VAV3: variants seen among roughly 807,000 people sequenced by gnomAD.
VAV3 encodes the protein guanine nucleotide exchange factor VAV3.
In VAV3, 94 loss-of-function variants were observed where a neutral mutation model predicts 131.2. The observed-to-expected ratio is 0.72, with a 90% CI of 0.61 to 0.85. The LOEUF (loss-of-function observed/expected upper bound fraction) is 0.85, where lower values mean the gene tolerates loss of function less well. Ranked by LOEUF, VAV3 falls within the 40% of genes least tolerant of loss-of-function variation. The pLI is 0.00. For missense variants in VAV3, 939 were observed against 1,002.7 expected (o/e 0.94, Z 0.86); for synonymous variants, 349 against 342.0 (o/e 1.02, Z -0.22).
intron 19 of VAV3, chr1:107,669,430 G>T (rs1657626095): frequency 1.6e-6 from 2 of 1,289,526 alleles, no homozygotes; most frequent in Non-Finnish European, 2.0e-6. Flanking sequence ...GCTTCTAGTA[G>T]CAGGGGCCAT....
At chr1:107,800,126 T>C (rs954012464) in intron 2 of VAV3, among the ~76,000 whole-genome samples, 3 of 152,188 alleles carry the variant, frequency 2.0e-5, no homozygotes, top group African/African-American at 7.2e-5. Flanking sequence ...TATTTTGGTG[T>C]TTGTGAATAG....
intron 15 of VAV3, among the ~76,000 whole-genome samples, chr1:107,733,935 A>T (rs1662426885): frequency 6.6e-6 from 1 of 152,212 alleles, no homozygotes; most frequent in Non-Finnish European, 1.5e-5. Context: ...GAAATGAAGG[A>T]AAACATGTTA....
intron 15 of VAV3, among the ~76,000 whole-genome samples, chr1:107,736,660 T>C (rs768812974): frequency 1.3e-5 from 2 of 151,948 alleles, no homozygotes; most frequent in Non-Finnish European, 1.5e-5. Context: ...ATGTGAAGGA[T>C]GTCTTCAAGG....
rs183806870 is a variant in VAV3, at chr1:107,883,415, A to C, written c.205-8398T>G. Among the ~76,000 whole-genome samples the C allele has an allele frequency of 8.8e-3, 1,335 of 152,278 alleles. 12 individuals carry two copies. The highest frequency in any genetic ancestry group is 0.038 in the South Asian group (182 of 4,824). On this transcript the variant is annotated intron_variant, in intron 1 of 26. Coordinates refer to ENST00000370056, the MANE Select transcript of VAV3 (RefSeq NM_006113.5). ...CTTTTATAGCACATACATGTTTTCA[A>C]ATAAATTGATGAATGAATCCTGATG...
intron 1 of VAV3, among the ~76,000 whole-genome samples, chr1:107,881,288 T>C (rs976182755): frequency 6.6e-6 from 1 of 152,072 alleles, no homozygotes; most frequent in South Asian, 2.1e-4. Flanking sequence ...GGAAAAGAAA[T>C]ATTTGGTAAT....
At chr1:107,578,547 T>TA (rs1156587258) in intron 25 of VAV3, 1 of 153,612 alleles carries the variant, frequency 6.5e-6, no homozygotes, top group Non-Finnish European at 1.4e-5. Flanking sequence ...AAACTTCAGT[T>TA]AGAAGCCCTC....
At position 107,861,488 on chromosome 1, in the gene VAV3, C is replaced by A. The variant is rs147345315; in HGVS notation, c.321+13413G>T. 4.8e-3 allele frequency among the ~76,000 whole-genome samples: 727 copies of A among 151,592 alleles called. 42 individuals carry two copies. Among genetic ancestry groups the A allele is most frequent in the Admixed American group, 0.044 (661 of 15,186 alleles). ...ATCAGCAGTGATTTTGGTAAAGAAT[C>A]CTTGTTAAACTTTATAGATATAAGG... On this transcript the variant is annotated intron_variant, in intron 2 of 26. Coordinates refer to ENST00000370056, the MANE Select transcript of VAV3 (RefSeq NM_006113.5).
intron 24 of VAV3, among the ~76,000 whole-genome samples, chr1:107,601,217 G>A (rs559012336): frequency 2.6e-4 from 39 of 152,206 alleles, no homozygotes; most frequent in African/African-American, 7.0e-4. Context: ...GAGGATGCCT[G>A]GATCTTGGTT....
At chr1:107,664,776 A>G (rs1251677023) in intron 19 of VAV3, among the ~76,000 whole-genome samples, 1 of 152,212 alleles carries the variant, frequency 6.6e-6, no homozygotes, top group African/African-American at 2.4e-5. Context: ...GGAGTATTAT[A>G]AAGTAGGATT....
intron 19 of VAV3, among the ~76,000 whole-genome samples, chr1:107,674,551 T>G (rs1557752905): frequency 6.6e-6 from 1 of 152,206 alleles, no homozygotes; most frequent in Non-Finnish European, 1.5e-5. Flanking sequence ...AGCTTTTCTC[T>G]GTCCAAAGCT....
intron 17 of VAV3, among the ~76,000 whole-genome samples, chr1:107,693,073 C>A (rs937063324): frequency 6.6e-6 from 1 of 152,034 alleles, no homozygotes; most frequent in Non-Finnish European, 1.5e-5. Flanking sequence ...AAACGACACC[C>A]TAAAATTACA....
At chr1:107,800,002 A>T (rs76590353) in intron 2 of VAV3, among the ~76,000 whole-genome samples, 17,764 of 152,130 alleles carry the variant, frequency 0.12, 1,217 homozygotes, top group East Asian at 0.29. Flanking sequence ...AGTCCCATCC[A>T]TGTTGCAACA....
At chr1:107,617,752 A>T in intron 20 of VAV3, 120 bp from the exon 21 acceptor site, 1 of 705,448 alleles carries the variant, frequency 1.4e-6, no homozygotes, top group Non-Finnish European at 2.2e-6. Flanking sequence ...TGTTATATCC[A>T]GTCCTGAGCA....
intron 25 of VAV3, among the ~76,000 whole-genome samples, chr1:107,593,255 A>G (rs902147285): frequency 2.0e-5 from 3 of 152,154 alleles, no homozygotes; most frequent in Admixed American, 6.6e-5. Flanking sequence ...ATCTTATCAC[A>G]TTGTACATAC....
At chr1:107,750,873 T>A (rs1039464609) in intron 13 of VAV3, among the ~76,000 whole-genome samples, 1 of 152,230 alleles carries the variant, frequency 6.6e-6, no homozygotes, top group East Asian at 1.9e-4. Context: ...TAATGTATCC[T>A]AGCTGATCAT....
At chr1:107,902,063 AC>A (rs1336001875) in intron 1 of VAV3, among the ~76,000 whole-genome samples, 9 of 152,162 alleles carry the variant, frequency 5.9e-5, no homozygotes, top group East Asian at 1.9e-4. Context: ...AACAAAAAAA[AC>A]AACAACAAAA....
chr1:107,697,737 G>C (rs781154876), intron 17 of VAV3, among the ~76,000 whole-genome samples: 1 of 152,132 alleles, frequency 6.6e-6, no homozygotes, highest in Non-Finnish European at 1.5e-5. Context: ...CCGGTCTTGA[G>C]AGTTTCCATG....
At chr1:107,900,205 T>A (rs1671786734) in intron 1 of VAV3, among the ~76,000 whole-genome samples, 1 of 152,158 alleles carries the variant, frequency 6.6e-6, no homozygotes, top group Non-Finnish European at 1.5e-5. Context: ...GCTTCGACAC[T>A]TAGGAAACCT....
intron 24 of VAV3, among the ~76,000 whole-genome samples, chr1:107,598,355 TCAAAACAAAA>T (rs60284097): frequency 2.4e-4 from 37 of 151,640 alleles, no homozygotes; most frequent in Non-Finnish European, 5.9e-5. Flanking sequence ...AAACTCTGTC[TCAAAACAAAA>T]CAAAACAAAA....
Sources: allele counts gnomAD v4.1 joint callset (sites outside exome capture counted in the v4.1 genomes callset), GRCh38; gene constraint gnomAD v4.1.1; transcripts MANE v1.5; gene names NCBI Gene and HGNC (gene_info 2026-07-23, HGNC 2026-07-21).